SRGAP1: variants seen among roughly 807,000 people sequenced by gnomAD.
The protein encoded by SRGAP1 is SLIT-ROBO Rho GTPase activating protein 1.
Under a neutral mutation model 121.9 loss-of-function variants are expected in SRGAP1, and 43 were observed. The observed-to-expected ratio is 0.35, with a 90% CI of 0.28 to 0.46. SRGAP1 has a LOEUF of 0.46. Among genes scored for constraint, SRGAP1 ranks in the 20% least tolerant of loss-of-function variants. The probability of loss-of-function intolerance (pLI) is 1.00; values close to 1 mark genes in which losing one functional copy is unlikely to be tolerated. For synonymous variants in SRGAP1, 447 were observed against 485.4 expected (o/e 0.92, Z 1.04); for missense variants, 1,102 against 1,350.9 (o/e 0.82, Z 2.89).
chr12:64,117,804 C>T (rs1358910341), intron 18 of SRGAP1, among the ~76,000 whole-genome samples: 1 of 152,118 alleles, frequency 6.6e-6, no homozygotes, highest in African/African-American at 2.4e-5. Context: ...CCCTTTGATT[C>T]TATGAATTGG....
At chr12:63,996,527 TA>T (rs2033714936) in intron 3 of SRGAP1, among the ~76,000 whole-genome samples, 1 of 152,152 alleles carries the variant, frequency 6.6e-6, no homozygotes, top group South Asian at 2.1e-4. Context: ...ATTAAATTCT[TA>T]CTGTTTTCTT....
intron 1 of SRGAP1, among the ~76,000 whole-genome samples, chr12:63,857,340 A>T (rs1899288233): frequency 6.6e-6 from 1 of 150,794 alleles, no homozygotes; most frequent in African/African-American, 2.4e-5. Flanking sequence ...TGGCCTCCCA[A>T]AGTGCTGGGA....
intron 1 of SRGAP1, among the ~76,000 whole-genome samples, chr12:63,979,334 A>T (rs549570068): frequency 6.6e-6 from 1 of 152,188 alleles, no homozygotes; most frequent in African/African-American, 2.4e-5. Context: ...CACCGCACCC[A>T]GCCTGTCCAT....
rs74574814 is a variant in SRGAP1, at chr12:64,094,633, A to G, written c.1540-299A>G. On this transcript the variant is annotated intron_variant, in intron 12 of 21. Transcript: ENST00000355086. ...TGAAGATGCTATGATTATAATACAC[A>G]GAGTTCTTTTTAAGTCCATTAAAGA... is the stretch of plus-strand genomic sequence containing the variant. Among the ~76,000 whole-genome samples the G allele has an allele frequency of 7.4e-3, 1,131 of 152,334 alleles. 52 individuals are homozygous for G. Among genetic ancestry groups the G allele is most frequent in the Admixed American group, 0.058 (887 of 15,300 alleles).
rs551679475 is a variant in SRGAP1 at position 64,160,854 on chromosome 12, C to A, written c.*18182C>A. 2.0e-5 allele frequency: 3 copies of A among 152,216 alleles called. No individual in the cohort carries two copies. Among genetic ancestry groups the A allele is most frequent in the Non-Finnish European group, 4.4e-5 (3 of 68,046 alleles). 9.4% of individuals were successfully genotyped at this position (152,216 alleles called of 1,614,324 possible). A position where few individuals can be genotyped will look rare whatever the true frequency, so the allele number is the denominator to read the frequency against. On this transcript the variant is annotated 3_prime_UTR_variant, in exon 22 of 22. Coordinates refer to ENST00000355086, the MANE Select transcript of SRGAP1 (RefSeq NM_020762.4). ...GATTGTGCCCATATTTCTCTATTCT[C>A]TCTAGCATTATGAATCATTTCCCCT...
At chr12:64,028,488 G>T (rs745731399) in intron 4 of SRGAP1, among the ~76,000 whole-genome samples, 11 of 152,224 alleles carry the variant, frequency 7.2e-5, no homozygotes, top group Admixed American at 7.2e-4. Flanking sequence ...GGGCTGAAAA[G>T]ATTTTCTTAG....
chr12:64,086,104 A>G (rs1378581471), intron 10 of SRGAP1, among the ~76,000 whole-genome samples: 1 of 152,308 alleles, frequency 6.6e-6, no homozygotes, highest in African/African-American at 2.4e-5. Context: ...GAATCACTGC[A>G]TTATGATATG....
chr12:63,893,470 C>T (rs1474751732), intron 1 of SRGAP1, among the ~76,000 whole-genome samples: 2 of 152,128 alleles, frequency 1.3e-5, no homozygotes, highest in East Asian at 1.9e-4. Context: ...AAGTAAGTTT[C>T]GGGATCTGAT....
At chr12:64,090,676 T>TA (rs1310612070) in intron 11 of SRGAP1, among the ~76,000 whole-genome samples, 1 of 152,008 alleles carries the variant, frequency 6.6e-6, no homozygotes, top group Non-Finnish European at 1.5e-5. Context: ...TCCGTCTCTA[T>TA]AAAAAATTTA....
At chr12:63,902,257 G>C (rs904723938) in intron 1 of SRGAP1, among the ~76,000 whole-genome samples, 1 of 152,152 alleles carries the variant, frequency 6.6e-6, no homozygotes. Context: ...AATTTTCAAA[G>C]AGCCATGAAA....
rs555032644 is a variant in SRGAP1, at chr12:63,985,844, C to G, written c.263+1702C>G. Among the ~76,000 whole-genome samples, 48 of 152,270 alleles carry G rather than the reference C, an allele frequency of 3.2e-4. No individual in the cohort carries two copies. In the East Asian group the frequency reaches 8.3e-3, roughly 26 times the overall value. On this transcript the variant is annotated intron_variant, in intron 2 of 21. Transcript: ENST00000355086. ...CTCTACCCACCTTCACAGGGCACAA[C>G]AAGAAGACCTGGCTGCTCAGCCTGG...
At chr12:63,846,649 A>G (rs986598794) in intron 1 of SRGAP1, among the ~76,000 whole-genome samples, 1 of 151,964 alleles carries the variant, frequency 6.6e-6, no homozygotes, top group Non-Finnish European at 1.5e-5. Context: ...CCTTCTCCCT[A>G]TTTCCTTCAA....
chr12:63,849,542 T>G (rs903614276), intron 1 of SRGAP1, among the ~76,000 whole-genome samples: 2 of 152,216 alleles, frequency 1.3e-5, no homozygotes, highest in African/African-American at 4.8e-5. Flanking sequence ...CTGTTGTTCT[T>G]TGACCACTCT....
intron 14 of SRGAP1, among the ~76,000 whole-genome samples, chr12:64,095,630 G>A (rs1048402425): frequency 6.6e-6 from 1 of 152,120 alleles, no homozygotes; most frequent in African/African-American, 2.4e-5. Flanking sequence ...CCTAGGGGGT[G>A]CCTTATGCTT....
intron 3 of SRGAP1, among the ~76,000 whole-genome samples, chr12:64,004,267 A>C (rs780105327): frequency 6.6e-6 from 1 of 152,234 alleles, no homozygotes; most frequent in African/African-American, 2.4e-5. Context: ...ATGTCCCATG[A>C]AAAAGGAATT....
chr12:63,882,431 G>A lies in SRGAP1; in HGVS notation c.67+37548G>A, dbSNP rs569824109. Among the ~76,000 whole-genome samples the A allele has an allele frequency of 2.9e-4, 44 of 152,036 alleles. No individual in the cohort carries two copies. The South Asian group carries it at 8.1e-3, about 28-fold the overall frequency. On this transcript the variant is annotated intron_variant, in intron 1 of 21. Coordinates refer to ENST00000355086, the MANE Select transcript of SRGAP1 (RefSeq NM_020762.4). The stretch of plus-strand genomic sequence containing the variant: ...CAAGTAGCAGAGATTACAGGTAACC[G>A]CAACCACGCCTGGCTAAGTTTTTGT...
chr12:64,073,604 T>C (rs1039214142), intron 8 of SRGAP1, among the ~76,000 whole-genome samples: 6 of 152,208 alleles, frequency 3.9e-5, no homozygotes, highest in African/African-American at 1.4e-4. Context: ...ATACTTTAAA[T>C]CATCTCTAGA....
chr12:64,058,752 A>G (rs1483407426), intron 6 of SRGAP1, among the ~76,000 whole-genome samples: 1 of 152,064 alleles, frequency 6.6e-6, no homozygotes, highest in African/African-American at 2.4e-5. Context: ...GAATTACTCT[A>G]AACCTTTTTA....
At chr12:63,927,974 C>G (rs781498927) in intron 1 of SRGAP1, among the ~76,000 whole-genome samples, 3 of 152,114 alleles carry the variant, frequency 2.0e-5, no homozygotes, top group Non-Finnish European at 1.5e-5. Flanking sequence ...ACTGTACATA[C>G]AGTGCTTTTT....
Sources: allele counts gnomAD v4.1 joint callset (sites outside exome capture counted in the v4.1 genomes callset), GRCh38; gene constraint gnomAD v4.1.1; transcripts MANE v1.5; gene names NCBI Gene and HGNC (gene_info 2026-07-23, HGNC 2026-07-21).